Variants in CPNE4 observed in about 807,000 individuals in gnomAD.
CPNE4 encodes copine 4.
A neutral mutation model predicts 67.9 loss-of-function variants in CPNE4; 25 were observed. The ratio of observed to expected loss-of-function variants is 0.37; its 90% CI spans 0.27 to 0.51. The LOEUF (loss-of-function observed/expected upper bound fraction) is 0.51, where lower values mean the gene tolerates loss of function less well. Among genes scored for constraint, CPNE4 ranks in the 20% least tolerant of loss-of-function variants. The pLI is 0.93. For synonymous variants in CPNE4, 242 were observed against 244.9 expected (o/e 0.99, Z 0.11); for missense variants, 464 against 690.8 (o/e 0.67, Z 3.68).
intron 2 of CPNE4, among the ~76,000 whole-genome samples, chr3:131,747,198 G>T (rs58962064): frequency 0.035 from 5,295 of 150,234 alleles, 312 homozygotes; most frequent in African/African-American, 0.12. Flanking sequence ...CAGATGTATA[G>T]TTTGCAACTA....
chr3:131,979,282 T>C (rs546075974), intron 1 of CPNE4, among the ~76,000 whole-genome samples: 1 of 152,180 alleles, frequency 6.6e-6, no homozygotes, highest in East Asian at 1.9e-4. Flanking sequence ...GTCAGTGGAG[T>C]CTTAAAGTTT....
intron 2 of CPNE4, among the ~76,000 whole-genome samples, chr3:131,830,239 A>G (rs1015747395): frequency 2.2e-4 from 33 of 152,128 alleles, no homozygotes; most frequent in African/African-American, 7.5e-4. Context: ...TATCTATAAA[A>G]TATATCCAGA....
At chr3:131,790,004 G>T (rs1344531566) in intron 2 of CPNE4, among the ~76,000 whole-genome samples, 1 of 152,048 alleles carries the variant, frequency 6.6e-6, no homozygotes, top group Non-Finnish European at 1.5e-5. Context: ...ACCTCCCCTT[G>T]TCAGATCATT....
intron 7 of CPNE4, among the ~76,000 whole-genome samples, chr3:131,655,950 A>G (rs1327266446): frequency 6.6e-6 from 1 of 152,206 alleles, no homozygotes; most frequent in Non-Finnish European, 1.5e-5. Context: ...ACATTTAGAA[A>G]ATCCACAAGG....
At chr3:131,906,521 C>T (rs1442446132) in intron 1 of CPNE4, among the ~76,000 whole-genome samples, 18 of 150,254 alleles carry the variant, frequency 1.2e-4, no homozygotes, top group South Asian at 4.2e-4. Context: ...TTTGTTCTTG[C>T]GATAGTTTAC....
At chr3:131,957,089 T>G (rs187103170) in intron 1 of CPNE4, among the ~76,000 whole-genome samples, 1 of 152,326 alleles carries the variant, frequency 6.6e-6, no homozygotes, top group African/African-American at 2.4e-5. Context: ...CGTGTCCTAC[T>G]TAGGATGAAT....
intron 10 of CPNE4, among the ~76,000 whole-genome samples, chr3:131,568,016 G>A (rs1157644440): frequency 6.6e-6 from 1 of 151,968 alleles, no homozygotes; most frequent in East Asian, 1.9e-4. Context: ...TTCATCTCAG[G>A]AGATTCTCAT....
At chr3:131,703,226 T>TC (rs1479417003) in intron 3 of CPNE4, among the ~76,000 whole-genome samples, 3 of 152,218 alleles carry the variant, frequency 2.0e-5, no homozygotes, top group African/African-American at 7.2e-5. Context: ...ACAAGGACTC[T>TC]CACCCTGGCT....
chr3:131,952,617 TG>T (rs1201048536), intron 1 of CPNE4, among the ~76,000 whole-genome samples: 4 of 110,136 alleles, frequency 3.6e-5, no homozygotes, highest in African/African-American at 8.2e-5. Flanking sequence ...CGGAGGGAGG[TG>T]GGGGGGTCAG....
At chr3:131,878,011 G>C (rs1394452252) in intron 2 of CPNE4, among the ~76,000 whole-genome samples, 1 of 152,196 alleles carries the variant, frequency 6.6e-6, no homozygotes, top group Non-Finnish European at 1.5e-5. Context: ...GGAGCAATCA[G>C]AACTCCTACA....
chr3:131,695,036 C>A (rs938125029), intron 5 of CPNE4, among the ~76,000 whole-genome samples: 1 of 152,140 alleles, frequency 6.6e-6, no homozygotes, highest in East Asian at 1.9e-4. Context: ...CTTGCTGAGC[C>A]CTCATTTCCT....
chr3:131,601,810 T>C (rs1208406053), intron 7 of CPNE4, among the ~76,000 whole-genome samples: 1 of 152,134 alleles, frequency 6.6e-6, no homozygotes, highest in African/African-American at 2.4e-5. Flanking sequence ...AGCACTTCTC[T>C]ATAGGACTCG....
At chr3:131,948,921 C>G (rs541923934) in intron 1 of CPNE4, among the ~76,000 whole-genome samples, 1 of 152,216 alleles carries the variant, frequency 6.6e-6, no homozygotes, top group South Asian at 2.1e-4. Flanking sequence ...CTCTGGGAAC[C>G]AGTATCATTA....
At chr3:131,958,604 CTTTTCTTTTTTTTTTTTT>C in intron 1 of CPNE4, among the ~76,000 whole-genome samples, 1 of 44,330 alleles carries the variant, frequency 2.3e-5, no homozygotes, top group South Asian at 7.9e-4. Flanking sequence ...ACCTTTCTTT[CTTTTCTTTTTTTTTTTTT>C]TTTTTTTTTT....
At chr3:131,836,746 T>A (rs1341694008) in intron 2 of CPNE4, among the ~76,000 whole-genome samples, 1 of 152,184 alleles carries the variant, frequency 6.6e-6, no homozygotes, top group Admixed American at 6.5e-5. Flanking sequence ...AATGAAAAAT[T>A]TGTGTTTTGC....
At chr3:132,034,009 C>T (rs1328706607) in intron 1 of CPNE4, among the ~76,000 whole-genome samples, 4 of 152,014 alleles carry the variant, frequency 2.6e-5, no homozygotes, top group Non-Finnish European at 5.9e-5. Flanking sequence ...ACTTGCAAGC[C>T]TATTCATTAG....
At chr3:131,821,548 A>T (rs2084959311) in intron 2 of CPNE4, among the ~76,000 whole-genome samples, 1 of 152,178 alleles carries the variant, frequency 6.6e-6, no homozygotes, top group East Asian at 1.9e-4. Context: ...TGGCTGCCAC[A>T]GCTATATCAG....
intron 2 of CPNE4, among the ~76,000 whole-genome samples, chr3:131,739,290 G>A (rs2082307334): frequency 6.6e-6 from 1 of 152,162 alleles, no homozygotes; most frequent in African/African-American, 2.4e-5. Flanking sequence ...GCTAGAGACA[G>A]TTCTTCTGCC....
At chr3:131,643,150 T>A (rs2079579082) in intron 7 of CPNE4, among the ~76,000 whole-genome samples, 1 of 152,226 alleles carries the variant, frequency 6.6e-6, no homozygotes, top group Admixed American at 6.5e-5. Context: ...ATGAGGAACT[T>A]GTTGGGAACT....
Sources: allele counts gnomAD v4.1 joint callset (sites outside exome capture counted in the v4.1 genomes callset), GRCh38; gene constraint gnomAD v4.1.1; transcripts MANE v1.5; gene names NCBI Gene and HGNC (gene_info 2026-07-23, HGNC 2026-07-21).